IQSEC3: variants seen among roughly 807,000 people sequenced by gnomAD.
IQSEC3 encodes the protein IQ motif and SEC7 domain-containing protein 3.
Under a neutral mutation model 105.4 loss-of-function variants are expected in IQSEC3, and 50 were observed. That is an observed-to-expected ratio of 0.47 (90% CI 0.38 to 0.60). IQSEC3 has a LOEUF of 0.60. Ranked by LOEUF, IQSEC3 falls within the 20% of genes least tolerant of loss-of-function variation. The pLI, the probability that IQSEC3 is intolerant of heterozygous loss-of-function variation, is 0.00. For synonymous variants in IQSEC3, 708 were observed against 746.0 expected (o/e 0.95, Z 0.83); for missense variants, 1,415 against 1,630.0 (o/e 0.87, Z 2.27).
chr12:150,161 C>T (rs1866448283), intron 5 of IQSEC3, among the ~76,000 whole-genome samples: 1 of 152,080 alleles, frequency 6.6e-6, no homozygotes, highest in Admixed American at 6.5e-5. Flanking sequence ...AGGGCCATGG[C>T]CCACGTGGGA....
chr12:157,010 C>T lies in IQSEC3; in HGVS notation c.2154-15C>T, dbSNP rs1252739059. ...GGGTGCCACCTGACCTCACACCCTC[C>T]CTGCCTGCCCTCAGCTGCGTGGTGG... On this transcript the variant is annotated splice_polypyrimidine_tract_variant and intron_variant, in intron 5 of 13. Transcript: ENST00000538872. 8.2e-6 allele frequency: 13 copies of T among 1,578,940 alleles called. No homozygotes were observed. The highest frequency in any genetic ancestry group is 1.1e-5 in the Non-Finnish European group (13 of 1,161,578).
At position 163,542 on chromosome 12, in the gene IQSEC3, G is replaced by A. The variant is rs782453466; in HGVS notation, c.2632G>A (p.Glu878Lys). ...CCTGGTGTGCTGCAGCCGGCTCTTCGAGGTGACGGATGTGAACAAGCTGCA... is the reference window on the plus strand; with the variant it reads ...CCTGGTGTGCTGCAGCCGGCTCTTCAAGGTGACGGATGTGAACAAGCTGCA... ...RRLVCCSRLF[E>K]VTDVNKLQKQ... The change falls in exon 9 of 14, where the codon GAG becomes AAG. Residue 878 changes from glutamate (E) to lysine (K), a missense_variant. Coordinates refer to ENST00000538872, the MANE Select transcript of IQSEC3 (RefSeq NM_001170738.2). 4 of 1,611,916 alleles carry A rather than the reference G, an allele frequency of 2.5e-6. No homozygotes were observed. The highest frequency in any genetic ancestry group is 1.1e-5 in the South Asian group (1 of 90,996).
chr12:77,975 C>T (rs1242137747), intron 1 of IQSEC3, among the ~76,000 whole-genome samples: 1 of 151,896 alleles, frequency 6.6e-6, no homozygotes, highest in Non-Finnish European at 1.5e-5. Flanking sequence ...TCCAGCCTCG[C>T]ACTTCCTCGC....
intron 1 of IQSEC3, among the ~76,000 whole-genome samples, chr12:73,869 A>G: frequency 6.6e-6 from 1 of 152,260 alleles, no homozygotes; most frequent in Non-Finnish European, 1.5e-5. Context: ...CTGAAAAGCA[A>G]CCAGCAGCAC....
intron 5 of IQSEC3, among the ~76,000 whole-genome samples, chr12:151,703 T>C (rs1389539828): frequency 6.6e-6 from 1 of 152,198 alleles, no homozygotes; most frequent in Non-Finnish European, 1.5e-5. Context: ...GCTGACAGAC[T>C]GAGCCCTGGC....
intron 7 of IQSEC3, among the ~76,000 whole-genome samples, chr12:161,683 G>A (rs1866896575): frequency 6.6e-6 from 1 of 152,188 alleles, no homozygotes; most frequent in Admixed American, 6.5e-5. Context: ...GACTCTGGTT[G>A]GGGAACATCA....
chr12:105,050 G>A (rs1864597912), intron 2 of IQSEC3, among the ~76,000 whole-genome samples: 1 of 152,232 alleles, frequency 6.6e-6, no homozygotes, highest in Admixed American at 6.5e-5. Context: ...TCGGTCGGGC[G>A]GTACAGCCGC....
At chr12:78,395 A>AT (rs1316147843) in intron 1 of IQSEC3, among the ~76,000 whole-genome samples, 3 of 151,676 alleles carry the variant, frequency 2.0e-5, no homozygotes, top group Non-Finnish European at 2.9e-5. Flanking sequence ...AGAAGGGGAC[A>AT]TTGAGGCGGG....
chr12:137,859 T>C (rs1013600677), intron 3 of IQSEC3, among the ~76,000 whole-genome samples: 32 of 150,888 alleles, frequency 2.1e-4, no homozygotes, highest in Non-Finnish European at 4.3e-4. Context: ...AGACAAGGTC[T>C]AGCTATGTTG....
At chr12:165,409 A>C (rs782118282) in intron 9 of IQSEC3, 25 bp from the exon 10 acceptor site, 16 of 1,583,338 alleles carry the variant, frequency 1.0e-5, no homozygotes, top group Non-Finnish European at 1.3e-5. Context: ...TCATCAGGGC[A>C]TGCCTGTTTC....
intron 2 of IQSEC3, among the ~76,000 whole-genome samples, chr12:102,270 A>G (rs1312518052): frequency 1.3e-5 from 2 of 152,136 alleles, no homozygotes; most frequent in African/African-American, 4.8e-5. Context: ...AGTAGGAATC[A>G]TGGCCTCCTG....
At chr12:171,559 C>T (rs1938999558) in intron 13 of IQSEC3, 2 of 587,572 alleles carry the variant, frequency 3.4e-6, no homozygotes, top group East Asian at 5.6e-5. Flanking sequence ...TTCCCCAAGT[C>T]CTCCCACCAT....
At chr12:170,724 T>C (rs1333606734) in intron 12 of IQSEC3, among the ~76,000 whole-genome samples, 1 of 152,230 alleles carries the variant, frequency 6.6e-6, no homozygotes, top group Non-Finnish European at 1.5e-5. Context: ...TCAGCCAGTC[T>C]GCAGGGCTGG....
In IQSEC3 at chr12:99,234, C is replaced by A. The variant is rs1555075509; in HGVS notation, c.623+20C>A. On this transcript the variant is annotated intron_variant, in intron 2 of 13. Transcript: ENST00000538872. The stretch of plus-strand genomic sequence containing the variant: ...CCAAAGGTGGGAACTGTGGCCCTTC[C>A]TCCCTTCCGCATCCCCACCTTCCTT... 1.3e-6 allele frequency: 2 copies of A among 1,594,316 alleles called. No individual in the cohort carries two copies. The highest frequency in any genetic ancestry group is 2.7e-5 in the African/African-American group (2 of 74,830).
At chr12:163,672 C>T (rs1454939034) in intron 9 of IQSEC3, 53 bp downstream of exon 9, 2 of 1,021,730 alleles carry the variant, frequency 2.0e-6, no homozygotes, top group Non-Finnish European at 3.1e-6. Flanking sequence ...CTCTGCCGCC[C>T]TGGTCAGCCT....
chr12:141,190 G>A lies in IQSEC3; in HGVS notation c.2058G>A (p.Val686=). The A allele has an allele frequency of 6.2e-7, 1 of 1,613,150 alleles. No individual in the cohort carries two copies. Among genetic ancestry groups the A allele is most frequent in the Non-Finnish European group, 8.5e-7 (1 of 1,179,878 alleles). Residue 686 remains valine, a synonymous_variant, in exon 5 of 14, where the codon GTG becomes GTA. Coordinates refer to ENST00000538872, the MANE Select transcript of IQSEC3 (RefSeq NM_001170738.2). The part of the protein sequence containing the change: ...RGFIPDTPIG[V]AHFLLQRKGL... ...TCATCCCGGACACCCCCATCGGTGTGGCCCATTTCCTCCTCCAGCGAAAGG... is the reference window on the plus strand; with the variant it reads ...TCATCCCGGACACCCCCATCGGTGTAGCCCATTTCCTCCTCCAGCGAAAGG...
intron 11 of IQSEC3, chr12:166,926 C>T (rs975826447): frequency 3.9e-5 from 6 of 152,146 alleles, no homozygotes; most frequent in Non-Finnish European, 1.5e-5. Context: ...GTGTCCAGGT[C>T]GCGCATGTTA....
chr12:107,705 C>G (rs574042235), intron 2 of IQSEC3, among the ~76,000 whole-genome samples: 1 of 152,156 alleles, frequency 6.6e-6, no homozygotes. Context: ...CCACCGCGCC[C>G]GGCCGGTAGT....
chr12:116,488 G>A (rs2136952883), intron 2 of IQSEC3, among the ~76,000 whole-genome samples: 1 of 152,210 alleles, frequency 6.6e-6, no homozygotes, highest in East Asian at 1.9e-4. Flanking sequence ...TGGTCCCTTT[G>A]GAACCTATTG....
Sources: allele counts gnomAD v4.1 joint callset (sites outside exome capture counted in the v4.1 genomes callset), GRCh38; gene constraint gnomAD v4.1.1; transcripts MANE v1.5; gene names NCBI Gene and HGNC (gene_info 2026-07-23, HGNC 2026-07-21).